The following BTN3A3 variants were observed in gnomAD, a reference collection of about 807,000 sequenced individuals.
The protein encoded by BTN3A3 is butyrophilin 3.
BTN3A3 carries 39 observed loss-of-function variants against 43.2 expected under a neutral mutation model. That is an observed-to-expected ratio of 0.90 (90% CI 0.70 to 1.18). The LOEUF is 1.18. Ranked by LOEUF, BTN3A3 falls within the 50% of genes most tolerant of loss-of-function variation. The pLI is 0.00. For missense variants in BTN3A3, 631 were observed against 722.8 expected (o/e 0.87, Z 1.46); for synonymous variants, 255 against 272.7 (o/e 0.93, Z 0.64).
chr6:26,448,288 G>A lies in BTN3A3; in HGVS notation c.756G>A (p.Leu252=), dbSNP rs1762835653. ...FRSAQPWIAA[L]AGTLPISLLL... ...GCGCCCAGCCCTGGATCGCGGCCCT[G>A]GCAGGGACCCTGCCTATCTCGTTGC... The change falls in exon 6 of 11, where the codon CTG becomes CTA. Residue 252 remains leucine (L), a synonymous_variant. Transcript: ENST00000244519. 1.9e-6 allele frequency: 3 copies of A among 1,613,780 alleles called. No individual in the cohort carries two copies. Among genetic ancestry groups the A allele is most frequent in the Non-Finnish European group, 2.5e-6 (3 of 1,179,940 alleles).
Position 26,448,176 on chromosome 6 carries a change from A to C in BTN3A3, c.716-72A>C, listed in dbSNP as rs892522700. The C allele has an allele frequency of 3.2e-6, 5 of 1,543,720 alleles. No individual in the cohort carries two copies. In the African/African-American group the frequency reaches 5.5e-5, roughly 17 times the overall value. On this transcript the variant is annotated intron_variant, in intron 5 of 10. Coordinates refer to ENST00000244519, the MANE Select transcript of BTN3A3 (RefSeq NM_006994.5). The stretch of plus-strand genomic sequence containing the variant: ...TGCCCCCAACCTGGGCTGAGCAGCT[A>C]AAGCTTGGGGTGCTGAGGCTGGGGA...
chr6:26,443,624 C>A lies in BTN3A3; in HGVS notation c.50C>A (p.Ser17Tyr). 2 of 1,614,220 alleles carry A rather than the reference C, an allele frequency of 1.2e-6. No homozygotes were observed. Among genetic ancestry groups the A allele is most frequent in the Non-Finnish European group, 1.7e-6 (2 of 1,180,042 alleles). Residue 17 changes from serine (S) to tyrosine (Y), a missense_variant, in exon 3 of 11, where the codon TCC becomes TAC. This residue lies in a region of BTN3A3 where 80 missense variants were observed against 138.7 expected (regional missense o/e 0.58). Transcript: ENST00000244519. ...TTCCTTCTGCTCAACTTTCATGTCT[C>A]CCTCTTCTTGGTCCAGCTGCTCACT... ...LAFLLLNFHV[S>Y]LFLVQLLTPC...
At chr6:26,448,527 A>G (rs2113840766) in intron 6 of BTN3A3, 79 bp downstream of exon 6, 1 of 1,609,622 alleles carries the variant, frequency 6.2e-7, no homozygotes, top group African/African-American at 1.3e-5. Context: ...TCCCACCCTG[A>G]CACTGCATCA....
chr6:26,446,425 A>G (rs916574846), intron 5 of BTN3A3, among the ~76,000 whole-genome samples: 1 of 152,244 alleles, frequency 6.6e-6, no homozygotes, highest in African/African-American at 2.4e-5. Context: ...AATAACCCAC[A>G]AAAGAGTGCT....
rs754318701 is a variant in BTN3A3 at position 26,451,823 on chromosome 6, C to T, written c.1167C>T (p.Asn389=). 6.2e-7 allele frequency: 1 copy of T among 1,614,050 alleles called. No individual in the cohort carries two copies. The highest frequency in any genetic ancestry group is 8.5e-7 in the Non-Finnish European group (1 of 1,179,910). ...EWRYCVLGCE[N]FTSGRHYWEV... ...GTTACTGTGTCCTTGGCTGTGAAAACTTCACATCAGGGAGACATTACTGGG... is the reference window on the plus strand; with the variant it reads ...GTTACTGTGTCCTTGGCTGTGAAAATTTCACATCAGGGAGACATTACTGGG... Residue 389 remains asparagine, a synonymous_variant, in exon 11 of 11, where the codon AAC becomes AAT. Coordinates refer to ENST00000244519, the MANE Select transcript of BTN3A3 (RefSeq NM_006994.5).
Position 26,450,120 on chromosome 6 carries a change from C to T in BTN3A3, c.1005C>T (p.Ala335=), listed in dbSNP as rs1762890131. Residue 335 remains alanine (A), a synonymous_variant, in exon 10 of 11, where the codon GCC becomes GCT. Transcript: ENST00000244519. ...KSLAYHEWKM[A]LFKPADVILD... is the part of the protein sequence containing the mutation. ...CCTTCCTTTCAGAATGGAAAATGGC[C>T]CTCTTCAAACCTGGTGAGTAAATCA... The T allele has an allele frequency of 5.6e-6, 9 of 1,613,550 alleles. No homozygotes were observed. The highest frequency in any genetic ancestry group is 7.6e-6 in the Non-Finnish European group (9 of 1,179,586).
Position 26,449,653 on chromosome 6 carries a change from T to G in BTN3A3, c.965-9T>G, listed in dbSNP as rs1241828736. The G allele has an allele frequency of 6.2e-7, 1 of 1,614,036 alleles. No homozygotes were observed. Among genetic ancestry groups the G allele is most frequent in the East Asian group, 2.2e-5 (1 of 44,900 alleles). ...TTCAGGTGACACCTCTATCTTTCTT[T>G]CATTGTAGGTGGAGAGAAGTCTTTG... On this transcript the variant is annotated splice_polypyrimidine_tract_variant and intron_variant, in intron 8 of 10. Coordinates refer to ENST00000244519, the MANE Select transcript of BTN3A3 (RefSeq NM_006994.5).
At chr6:26,444,425 C>T (rs1762720176) in intron 4 of BTN3A3, 121 bp downstream of exon 4, 1 of 1,491,674 alleles carries the variant, frequency 6.7e-7, no homozygotes, top group Non-Finnish European at 9.2e-7. Context: ...TCTGCACTGC[C>T]TCCCAACTTA....
chr6:26,451,552 A>G lies in BTN3A3; in HGVS notation c.1019-123A>G, dbSNP rs79797109. 6.9e-4 allele frequency: 1,023 copies of G among 1,472,288 alleles called. 3 individuals carry two copies. In the African/African-American group the frequency reaches 0.013, roughly 19 times the overall value. 91.2% of individuals were successfully genotyped at this position (1,472,288 alleles called of 1,614,324 possible). A position where few individuals can be genotyped will look rare whatever the true frequency, so the allele number is the denominator to read the frequency against. On this transcript the variant is annotated intron_variant, in intron 10 of 10. Transcript: ENST00000244519. Reference sequence around the variant, plus strand: ...ACATTGATGAGAGAGTCATATTTAGAGCAGGCTAGGGACGCCAGGTTCTGG... The same window carrying G: ...ACATTGATGAGAGAGTCATATTTAGGGCAGGCTAGGGACGCCAGGTTCTGG...
At chr6:26,445,156 A>AT (rs1003683657) in intron 4 of BTN3A3, 2 of 160,168 alleles carry the variant, frequency 1.2e-5, no homozygotes. Flanking sequence ...ATAAAGTACT[A>AT]TTTTTTGTGT....
chr6:26,452,537 G>A lies in BTN3A3; in HGVS notation c.*126G>A. ...ACTTTACAAAGTAGACATGACAAGT[G>A]AACAGCAGAGCTGGGATCTAAACAG... On this transcript the variant is annotated 3_prime_UTR_variant, in exon 11 of 11. Coordinates refer to ENST00000244519, the MANE Select transcript of BTN3A3 (RefSeq NM_006994.5). The A allele has an allele frequency of 2.5e-6, 2 of 791,866 alleles. No homozygotes were observed. Among genetic ancestry groups the A allele is most frequent in the Non-Finnish European group, 3.9e-6 (2 of 512,476 alleles). 49.1% of individuals were successfully genotyped at this position (791,866 alleles called of 1,614,324 possible).
At chr6:26,449,415 A>T in intron 8 of BTN3A3, 1 of 558,454 alleles carries the variant, frequency 1.8e-6, no homozygotes, top group Non-Finnish European at 3.2e-6. Context: ...CAGATTCAAA[A>T]TAGATTAGCT....
At chr6:26,449,376 A>G in intron 8 of BTN3A3, 1 of 434,812 alleles carries the variant, frequency 2.3e-6, no homozygotes, top group Non-Finnish European at 4.1e-6. Context: ...AGACATGGTG[A>G]CACCTATGCC....
intron 1 of BTN3A3, among the ~76,000 whole-genome samples, chr6:26,443,108 G>C (rs1265225064): frequency 6.6e-6 from 1 of 152,190 alleles, no homozygotes; most frequent in Non-Finnish European, 1.5e-5. Context: ...AGTCTGCCTG[G>C]ATCCCACCAG....
Position 26,448,650 on chromosome 6 carries a change from T to G in BTN3A3, c.937+13T>G, listed in dbSNP as rs763041810. 1 of 1,613,976 alleles carries G rather than the reference T, an allele frequency of 6.2e-7. No homozygotes were observed. Among genetic ancestry groups the G allele is most frequent in the Admixed American group, 1.7e-5 (1 of 59,996 alleles). Reference sequence around the variant, plus strand: ...CAGGAGGAACTCAGTAAGTTCCCATTCCCCAGGAGACCCAGGCATGTCTTC... The same window carrying G: ...CAGGAGGAACTCAGTAAGTTCCCATGCCCCAGGAGACCCAGGCATGTCTTC... On this transcript the variant is annotated intron_variant, in intron 7 of 10. Coordinates refer to ENST00000244519, the MANE Select transcript of BTN3A3 (RefSeq NM_006994.5).
At position 26,448,397 on chromosome 6, in the gene BTN3A3, G is replaced by A. The variant is rs1762839703; in HGVS notation, c.865G>A (p.Glu289Lys). The change falls in exon 6 of 11, where the codon GAG becomes AAG. Residue 289 changes from glutamate (E) to lysine (K), a missense_variant. Physicochemically the swap from Glu to Lys is moderately conservative, Grantham distance 56. This residue lies in a region of BTN3A3 where 551 missense variants were observed against 584.0 expected (regional missense o/e 0.94). Transcript: ENST00000244519. ...GTCCAGGGAGACAGAAAGAGAGCGAGAGATGAAAGAAATGGGATACGCTGC... is the reference window on the plus strand; with the variant it reads ...GTCCAGGGAGACAGAAAGAGAGCGAAAGATGAAAGAAATGGGATACGCTGC... ...ALSRETERER[E>K]MKEMGYAATE... 6.2e-7 allele frequency: 1 copy of A among 1,613,798 alleles called. No homozygotes were observed. Among genetic ancestry groups the A allele is most frequent in the Non-Finnish European group, 8.5e-7 (1 of 1,179,992 alleles).
In BTN3A3 at chr6:26,449,702, A is replaced by T. The variant is rs1400174560; in HGVS notation, c.991+14A>T. 1 of 1,614,146 alleles carries T rather than the reference A, an allele frequency of 6.2e-7. No homozygotes were observed. Among genetic ancestry groups the T allele is most frequent in the African/African-American group, 1.3e-5 (1 of 75,046 alleles). On this transcript the variant is annotated intron_variant, in intron 9 of 10. Coordinates refer to ENST00000244519, the MANE Select transcript of BTN3A3 (RefSeq NM_006994.5). ...TGGCCTATCATGGTGAGTGAGCCTG[A>T]TGCTCTCTGGGTTTGCTGGGTCATG... is the stretch of plus-strand genomic sequence containing the variant.
intron 10 of BTN3A3, 126 bp from the exon 11 acceptor site, chr6:26,451,549 T>C (rs1762930124): frequency 2.0e-6 from 3 of 1,467,970 alleles, no homozygotes. Flanking sequence ...GAGTCATATT[T>C]AGAGCAGGCT....
Position 26,444,301 on chromosome 6 carries a change from G to T in BTN3A3, c.430G>T (p.Ala144Ser). 1 of 1,612,052 alleles carries T rather than the reference G, an allele frequency of 6.2e-7. No homozygotes were observed. The highest frequency in any genetic ancestry group is 2.2e-5 in the East Asian group (1 of 44,888). Residue 144 changes from alanine (A) to serine (S), a missense_variant, in exon 4 of 11, where the codon GCA (alanine) becomes TCA (serine). Ala to Ser is a moderately conservative substitution (Grantham distance 99). Around this residue, in one of 2 missense-constraint regions of BTN3A3, gnomAD observed 551 missense variants for 584.0 expected, o/e 0.94. Coordinates refer to ENST00000244519, the MANE Select transcript of BTN3A3 (RefSeq NM_006994.5). ...YEKALVELKV[A>S]ALGSDLHIEV... ...AAAAGCCCTGGTGGAGCTGAAGGTT[G>T]CAGGTGAGCCTCCAGGTTTTGTTCT...
Sources: gnomAD v4.1 joint callset for allele counts (sites outside exome capture counted in the v4.1 genomes callset) on GRCh38, gnomAD v4.1.1 for gene constraint, gnomAD v4.1.1 regional missense constraint, MANE v1.5 for transcripts, NCBI Gene and HGNC (gene_info 2026-07-23, HGNC 2026-07-21) for gene names.